The following COLEC11 variants were observed in gnomAD, a reference collection of about 807,000 sequenced individuals.
The protein encoded by COLEC11 is collectin subfamily member 11, also known as collectin-11.
In COLEC11, 20 loss-of-function variants were observed where a neutral mutation model predicts 27.3. That is an observed-to-expected ratio of 0.73 (90% CI 0.51 to 1.06). The LOEUF is 1.06. Among genes scored for constraint, COLEC11 ranks in the 50% least tolerant of loss-of-function variants. The pLI, the probability that COLEC11 is intolerant of heterozygous loss-of-function variation, is 0.00. For synonymous variants in COLEC11, 163 were observed against 154.7 expected (o/e 1.05, Z -0.40); for missense variants, 310 against 383.0 (o/e 0.81, Z 1.59).
intron 1 of COLEC11, among the ~76,000 whole-genome samples, chr2:3,601,256 T>C (rs1353878430): frequency 6.6e-6 from 1 of 152,172 alleles, no homozygotes; most frequent in African/African-American, 2.4e-5. Flanking sequence ...TAGCCAAAGC[T>C]CATGGGTTTA....
chr2:3,628,551 G>A lies in COLEC11; in HGVS notation c.203-8982G>A, dbSNP rs371068294. On this transcript the variant is annotated intron_variant, in intron 3 of 6. Transcript: ENST00000349077. ...TGGGGACCTGGCTGCAGTGGGGGCT[G>A]CCCTGAACAGGCTGGCTGGGTGTGC... is the stretch of plus-strand genomic sequence containing the variant. Among the ~76,000 whole-genome samples, 16 of 152,352 alleles carry A rather than the reference G, an allele frequency of 1.1e-4. No individual in the cohort carries two copies. In the East Asian group the frequency reaches 3.1e-3, roughly 29 times the overall value.
At chr2:3,640,136 G>GA (rs1665740706) in intron 4 of COLEC11, 142 bp from the exon 5 acceptor site, 5 of 699,464 alleles carry the variant, frequency 7.1e-6, no homozygotes, top group Non-Finnish European at 1.0e-5. Flanking sequence ...ATTACCTGCA[G>GA]AATGGGGCTC....
chr2:3,626,669 C>T (rs904721903), intron 3 of COLEC11, among the ~76,000 whole-genome samples: 1 of 152,368 alleles, frequency 6.6e-6, no homozygotes, highest in East Asian at 1.9e-4. Flanking sequence ...ATAATCGTGG[C>T]TGTTTCCGTC....
At chr2:3,643,163 A>G (rs1450807127) in intron 5 of COLEC11, among the ~76,000 whole-genome samples, 1 of 151,844 alleles carries the variant, frequency 6.6e-6, no homozygotes, top group East Asian at 1.9e-4. Flanking sequence ...CTGGTTCCCA[A>G]CCCTGCCCTG....
Position 3,629,008 on chromosome 2 carries a change from C to T in COLEC11, c.203-8525C>T, listed in dbSNP as rs544111509. On this transcript the variant is annotated intron_variant, in intron 3 of 6. Transcript: ENST00000349077. Reference sequence around the variant, plus strand: ...CTGCATTCCTGTTGTCGCACGCAGCCAGCGGGAGGGGGCGTTGCTTGCCTC... The same window carrying T: ...CTGCATTCCTGTTGTCGCACGCAGCTAGCGGGAGGGGGCGTTGCTTGCCTC... 1.1e-3 allele frequency among the ~76,000 whole-genome samples: 162 copies of T among 152,310 alleles called. 1 individual carries two copies. The highest frequency in any genetic ancestry group is 3.7e-3 in the African/African-American group (154 of 41,564).
chr2:3,625,219 C>CT (rs1196019006), intron 3 of COLEC11, among the ~76,000 whole-genome samples: 1 of 152,166 alleles, frequency 6.6e-6, no homozygotes, highest in Non-Finnish European at 1.5e-5. Context: ...TGGCAGCAGG[C>CT]TTTTTCAGGC....
At chr2:3,617,453 C>T (rs1224566448) in intron 3 of COLEC11, 3 of 1,262,882 alleles carry the variant, frequency 2.4e-6, no homozygotes, top group Admixed American at 1.7e-5. Context: ...TTGATCCAAT[C>T]TCTTTGCATC....
At chr2:3,601,435 G>A (rs1662211984) in intron 1 of COLEC11, among the ~76,000 whole-genome samples, 1 of 152,136 alleles carries the variant, frequency 6.6e-6, no homozygotes, top group Non-Finnish European at 1.5e-5. Flanking sequence ...TCCAGTAGCT[G>A]GGACTACAGG....
intron 1 of COLEC11, among the ~76,000 whole-genome samples, chr2:3,598,834 CT>C (rs1278564767): frequency 6.6e-6 from 1 of 152,140 alleles, no homozygotes; most frequent in Non-Finnish European, 1.5e-5. Context: ...GATTGTTCAA[CT>C]TTCCATATTG....
intron 3 of COLEC11, among the ~76,000 whole-genome samples, chr2:3,613,980 C>T (rs200891813): frequency 0.015 from 1,946 of 130,914 alleles, 84 homozygotes; most frequent in African/African-American, 0.052. Context: ...TTCTTTCTTT[C>T]TTTTTTTTTT....
At chr2:3,605,912 G>C (rs879666657) in intron 2 of COLEC11, 1 of 697,404 alleles carries the variant, frequency 1.4e-6, no homozygotes, top group Admixed American at 3.1e-5. Context: ...TAGCCCTGCT[G>C]TTGGAAACCA....
intron 2 of COLEC11, among the ~76,000 whole-genome samples, chr2:3,608,021 G>T (rs1662871481): frequency 1.3e-5 from 2 of 152,220 alleles, no homozygotes; most frequent in Non-Finnish European, 2.9e-5. Context: ...CAGCTTGTAA[G>T]CAGGTGGCGT....
rs1572442065 is a variant in COLEC11, at chr2:3,625,991, A to G, written c.203-11542A>G. On this transcript the variant is annotated intron_variant, in intron 3 of 6. Coordinates refer to ENST00000349077, the MANE Select transcript of COLEC11 (RefSeq NM_024027.5). ...TGAGTTGTCAGGCAGGGATAGTCAT[A>G]ACATTGTATTTACTTTTTCCAGCAG... is the stretch of plus-strand genomic sequence containing the variant. 4 of 1,601,368 alleles carry G rather than the reference A, an allele frequency of 2.5e-6. No individual in the cohort carries two copies. In the South Asian group the frequency reaches 3.3e-5, roughly 13 times the overall value.
chr2:3,595,263 G>A, intron 1 of COLEC11, 95 bp downstream of exon 1: 1 of 199,682 alleles, frequency 5.0e-6, no homozygotes, highest in Non-Finnish European at 1.1e-5. Flanking sequence ...GGCGCGAGGT[G>A]GGCTCCTGCT....
chr2:3,620,603 G>GT (rs983179345), intron 3 of COLEC11, among the ~76,000 whole-genome samples: 20 of 151,290 alleles, frequency 1.3e-4, no homozygotes, highest in Non-Finnish European at 2.8e-4. Context: ...TCATTTGCTT[G>GT]TTTTTTTCTA....
chr2:3,627,154 C>T (rs926562730), intron 3 of COLEC11, among the ~76,000 whole-genome samples: 1 of 152,176 alleles, frequency 6.6e-6, no homozygotes, highest in African/African-American at 2.4e-5. Flanking sequence ...AAAACAGTGA[C>T]CTCTGCGGGA....
chr2:3,644,163 A>C lies in COLEC11; in HGVS notation c.*45A>C. 6.3e-7 allele frequency: 1 copy of C among 1,598,186 alleles called. No homozygotes were observed. Among genetic ancestry groups the C allele is most frequent in the Non-Finnish European group, 8.5e-7 (1 of 1,178,202 alleles). ...CATTGGGGGCCCCACATGTCCCTGC[A>C]GGGTTGGCAGGGACAGAGCCCAGAC... On this transcript the variant is annotated 3_prime_UTR_variant, in exon 7 of 7. Transcript: ENST00000349077.
At chr2:3,625,382 C>T (rs952149248) in intron 3 of COLEC11, among the ~76,000 whole-genome samples, 1 of 152,022 alleles carries the variant, frequency 6.6e-6, no homozygotes, top group Non-Finnish European at 1.5e-5. Flanking sequence ...TCTTGGCTGC[C>T]TTGTGGTGGG....
rs560638621 is a variant in COLEC11 at position 3,615,381 on chromosome 2, C to G, written c.202+1999C>G. Among the ~76,000 whole-genome samples, 909 of 152,310 alleles carry G rather than the reference C, an allele frequency of 6.0e-3. 13 individuals are homozygous for G. Among genetic ancestry groups the G allele is most frequent in the African/African-American group, 0.021 (870 of 41,562 alleles). The stretch of plus-strand genomic sequence containing the variant: ...GCCTTCAAGCATCTGTTTAACAAAG[C>G]ACATCTTGCACCGCCCTTAATCCAT... On this transcript the variant is annotated intron_variant, in intron 3 of 6. Transcript: ENST00000349077.
Sources: gnomAD v4.1 joint callset for allele counts (sites outside exome capture counted in the v4.1 genomes callset) on GRCh38, gnomAD v4.1.1 for gene constraint, MANE v1.5 for transcripts, NCBI Gene and HGNC (gene_info 2026-07-23, HGNC 2026-07-21) for gene names.